Variants in CYP4B1 observed in about 807,000 individuals in gnomAD.
CYP4B1 encodes cytochrome P450 family 4 subfamily B member 1.
In CYP4B1, 45 loss-of-function variants were observed where a neutral mutation model predicts 54.0. That is an observed-to-expected ratio of 0.83 (90% CI 0.66 to 1.07). CYP4B1 has a LOEUF of 1.07. Ranked by LOEUF, CYP4B1 falls within the 50% of genes least tolerant of loss-of-function variation. The probability of loss-of-function intolerance (pLI) is 0.00; values close to 1 mark genes in which losing one functional copy is unlikely to be tolerated. For missense variants in CYP4B1, 656 were observed against 655.4 expected, an observed-to-expected ratio of 1.00 and a Z score of -0.01; for synonymous variants, 248 against 247.5, an observed-to-expected ratio of 1.00 and a Z score of -0.02.
chr1:46,800,298 C>CT (rs1553130209), intron 1 of CYP4B1, among the ~76,000 whole-genome samples: 2,864 of 87,908 alleles, frequency 0.033, 570 homozygotes, highest in East Asian at 0.086. Flanking sequence ...TCCTTCCTTC[C>CT]TTCTTTCCTT....
intron 1 of CYP4B1, among the ~76,000 whole-genome samples, chr1:46,802,770 C>A (rs1028091022): frequency 1.3e-5 from 2 of 152,134 alleles, no homozygotes; most frequent in East Asian, 1.9e-4. Context: ...AATAACACAG[C>A]ACATGTGTTA....
Position 46,813,544 on chromosome 1 carries a change from C to T in CYP4B1, c.558C>T (p.His186=). ...TTGACATCTTCTGCGATGTGGGTCACATGGCGCTGAACACACTCATGAAGT... is the reference window on the plus strand; with the variant it reads ...TTGACATCTTCTGCGATGTGGGTCATATGGCGCTGAACACACTCATGAAGT... ...KSFDIFCDVG[H]MALNTLMKCT... The change falls in exon 5 of 12, where the codon CAC becomes CAT. Residue 186 remains histidine, a synonymous_variant. Transcript: ENST00000371923. 1 of 1,614,224 alleles carries T rather than the reference C, an allele frequency of 6.2e-7. No homozygotes were observed. Among genetic ancestry groups the T allele is most frequent in the African/African-American group, 1.3e-5 (1 of 75,078 alleles).
chr1:46,811,585 C>T (rs45557831), intron 3 of CYP4B1, among the ~76,000 whole-genome samples: 1,563 of 152,278 alleles, frequency 0.01, 27 homozygotes, highest in African/African-American at 0.036. Flanking sequence ...GGGGTGGCTA[C>T]AAGGCAGAGC....
intron 1 of CYP4B1, among the ~76,000 whole-genome samples, chr1:46,799,655 A>G (rs1678532123): frequency 6.6e-6 from 1 of 152,248 alleles, no homozygotes; most frequent in Admixed American, 6.5e-5. Flanking sequence ...TGTTGTGTGT[A>G]GTGTAAAGAT....
In CYP4B1 at chr1:46,814,256, C is replaced by G; in HGVS notation, c.823C>G (p.Arg275Gly). Residue 275 changes from arginine to glycine, a missense_variant, in exon 7 of 12, where the codon CGG becomes GGG. By Grantham distance (125) the Arg-to-Gly change is moderately radical. Transcript: ENST00000371923. ...RKAALQDEKV[R>G]KKIQNRRHLD... is the part of the protein sequence containing the mutation. ...GGCAGCCCTGCAGGATGAGAAGGTG[C>G]GGAAGAAGATCCAGAACCGGAGGCA... 1 of 1,614,118 alleles carries G rather than the reference C, an allele frequency of 6.2e-7. No homozygotes were observed.
At position 46,818,139 on chromosome 1, in the gene CYP4B1, C is replaced by G; in HGVS notation, c.1281C>G (p.Asp427Glu). 1 of 1,614,170 alleles carries G rather than the reference C, an allele frequency of 6.2e-7. No individual in the cohort carries two copies. Among genetic ancestry groups the G allele is most frequent in the Admixed American group, 1.7e-5 (1 of 60,036 alleles). The change falls in exon 11 of 12, where the codon GAC (aspartate) becomes GAG (glutamate). Residue 427 changes from aspartate to glutamate, a missense_variant. By Grantham distance (45) the Asp-to-Glu change is conservative (BLOSUM62 2). Transcript: ENST00000371923. Reference protein sequence around the residue: ...SAVWPDPEVFDSLRFSTENAS... With the variant: ...SAVWPDPEVFESLRFSTENAS... ...AAGGCCTGTCCCTTCAGGTCTTTGA[C>G]TCTCTGCGCTTTTCCACTGAGAATG...
chr1:46,813,845 A>G, intron 5 of CYP4B1, 64 bp from the exon 6 acceptor site: 2 of 1,576,768 alleles, frequency 1.3e-6, no homozygotes, highest in South Asian at 1.1e-5. Context: ...CCTGGAATGG[A>G]GTTTCTCTGG....
Position 46,813,560 on chromosome 1 carries a change from C to G in CYP4B1, c.574C>G (p.Leu192Val). The change falls in exon 5 of 12, where the codon CTC becomes GTC. Residue 192 changes from leucine to valine, a missense_variant. Leu to Val is a conservative substitution (Grantham distance 32). Transcript: ENST00000371923. Reference protein sequence around the residue: ...CDVGHMALNTLMKCTFGRGDT... With the variant: ...CDVGHMALNTVMKCTFGRGDT... The stretch of plus-strand genomic sequence containing the variant: ...TGTGGGTCACATGGCGCTGAACACA[C>G]TCATGAAGTGCACCTTTGGAAGAGG... 6.2e-7 allele frequency: 1 copy of G among 1,614,208 alleles called. No individual in the cohort carries two copies. The highest frequency in any genetic ancestry group is 1.6e-4 in the Middle Eastern group (1 of 6,062).
intron 2 of CYP4B1, 95 bp downstream of exon 2, chr1:46,811,044 A>G (rs542308267): frequency 9.9e-5 from 159 of 1,602,420 alleles, no homozygotes; most frequent in Non-Finnish European, 1.3e-4. Context: ...GGGCCTGTGT[A>G]CTAAGTCTGC....
At chr1:46,801,438 G>A (rs1678657930) in intron 1 of CYP4B1, among the ~76,000 whole-genome samples, 1 of 151,900 alleles carries the variant, frequency 6.6e-6, no homozygotes, top group African/African-American at 2.4e-5. Context: ...TCCCCTTAAC[G>A]GCCCCCACCC....
chr1:46,811,438 G>C (rs1679097447), intron 3 of CYP4B1, among the ~76,000 whole-genome samples: 1 of 152,240 alleles, frequency 6.6e-6, no homozygotes, highest in Non-Finnish European at 1.5e-5. Context: ...TGAGTGCGAA[G>C]AACAGTTTCC....
rs1450648953 is a variant in CYP4B1 at position 46,818,149 on chromosome 1, T to G, written c.1291T>G (p.Phe431Val). 6.2e-7 allele frequency: 1 copy of G among 1,614,012 alleles called. No homozygotes were observed. Among genetic ancestry groups the G allele is most frequent in the African/African-American group, 1.3e-5 (1 of 74,906 alleles). Residue 431 changes from phenylalanine (F) to valine (V), a missense_variant, in exon 11 of 12, where the codon TTT becomes GTT. By Grantham distance (50) the Phe-to-Val change is conservative. Coordinates refer to ENST00000371923, the MANE Select transcript of CYP4B1 (RefSeq NM_001099772.2). ...PDPEVFDSLR[F>V]STENASKRHP... The stretch of plus-strand genomic sequence containing the variant: ...CCTTCAGGTCTTTGACTCTCTGCGC[T>G]TTTCCACTGAGAATGCATCCAAACG...
chr1:46,815,371 C>T, intron 8 of CYP4B1, 107 bp downstream of exon 8: 1 of 1,054,848 alleles, frequency 9.5e-7, no homozygotes, highest in Non-Finnish European at 1.3e-6. Context: ...GGCTGCTATC[C>T]TGTTACCCCC....
At chr1:46,812,671 G>T in intron 4 of CYP4B1, 48 bp downstream of exon 4, 1 of 1,594,110 alleles carries the variant, frequency 6.3e-7, no homozygotes, top group Non-Finnish European at 8.6e-7. Context: ...TGCTGGGCTA[G>T]CCCCTCTCCA....
At chr1:46,814,789 C>T (rs890011485) in intron 7 of CYP4B1, 49 of 451,992 alleles carry the variant, frequency 1.1e-4, no homozygotes, top group Non-Finnish European at 1.8e-4. Flanking sequence ...AAAATGTCTT[C>T]CTCTGGCAGG....
At chr1:46,810,496 G>A (rs1018599005) in intron 1 of CYP4B1, among the ~76,000 whole-genome samples, 1 of 152,168 alleles carries the variant, frequency 6.6e-6, no homozygotes, top group Non-Finnish European at 1.5e-5. Context: ...GCTTTAATGT[G>A]GAGAAGAAAG....
intron 1 of CYP4B1, among the ~76,000 whole-genome samples, chr1:46,800,104 A>G (rs837400): frequency 0.55 from 84,091 of 151,792 alleles, 24,698 homozygotes; most frequent in Non-Finnish European, 0.66. Context: ...TAGAGATGCC[A>G]GAGACTTTTC....
rs1411809481 is a variant in CYP4B1, at chr1:46,818,892, G to A, written c.*78G>A. 1 of 1,499,508 alleles carries A rather than the reference G, an allele frequency of 6.7e-7. No homozygotes were observed. Among genetic ancestry groups the A allele is most frequent in the African/African-American group, 1.4e-5 (1 of 72,320 alleles). 92.9% of individuals were successfully genotyped at this position (1,499,508 alleles called of 1,614,324 possible). A position where few individuals can be genotyped will look rare whatever the true frequency, so the allele number is the denominator to read the frequency against. The stretch of plus-strand genomic sequence containing the variant: ...CACCCTCCCCAGGCTGGGTGTGGAG[G>A]AGTTGGGGCCCCCTGCCTTCAGGAG... On this transcript the variant is annotated 3_prime_UTR_variant, in exon 12 of 12. Coordinates refer to ENST00000371923, the MANE Select transcript of CYP4B1 (RefSeq NM_001099772.2).
At chr1:46,816,613 C>G (rs753996935) in intron 8 of CYP4B1, among the ~76,000 whole-genome samples, 1 of 152,058 alleles carries the variant, frequency 6.6e-6, no homozygotes, top group Admixed American at 6.5e-5. Context: ...CACTTCACCT[C>G]ATTAAATAAT....
Sources: gnomAD v4.1 joint callset for allele counts (sites outside exome capture counted in the v4.1 genomes callset) on GRCh38, gnomAD v4.1.1 for gene constraint, MANE v1.5 for transcripts, NCBI Gene and HGNC (gene_info 2026-07-23, HGNC 2026-07-21) for gene names.